Variants in CCDC167 observed in about 807,000 individuals in gnomAD.
CCDC167 encodes the protein coiled-coil domain-containing protein 167.
A neutral mutation model predicts 12.7 loss-of-function variants in CCDC167; 15 were observed. The observed-to-expected ratio is 1.18, with a 90% CI of 0.79 to 1.81. The LOEUF is 1.81. Among genes scored for constraint, CCDC167 ranks in the 40% most tolerant of loss-of-function variants. The probability of loss-of-function intolerance (pLI) is 0.00; values close to 1 mark genes in which losing one functional copy is unlikely to be tolerated. For synonymous variants in CCDC167, 52 were observed against 49.0 expected (o/e 1.06, Z -0.26); for missense variants, 121 against 120.1 (o/e 1.01, Z -0.03).
chr6:37,486,052 CCT>C (rs754572499), intron 1 of CCDC167, among the ~76,000 whole-genome samples: 9 of 152,134 alleles, frequency 5.9e-5, no homozygotes, highest in Non-Finnish European at 1.2e-4. Context: ...TAGCTGGCCA[CCT>C]CTCTGGCTGG....
intron 1 of CCDC167, among the ~76,000 whole-genome samples, chr6:37,498,335 A>T (rs973886677): frequency 3.3e-5 from 5 of 152,078 alleles, no homozygotes; most frequent in African/African-American, 1.2e-4. Flanking sequence ...ACTGCAGCTT[A>T]TTGTACCCTA....
chr6:37,485,846 T>C (rs1379477403), intron 1 of CCDC167, among the ~76,000 whole-genome samples: 1 of 152,246 alleles, frequency 6.6e-6, no homozygotes, highest in East Asian at 1.9e-4. Flanking sequence ...GCAAAAACTT[T>C]ACCTACCATC....
intron 3 of CCDC167, 111 bp from the exon 4 acceptor site, chr6:37,483,400 C>T: frequency 2.8e-6 from 2 of 701,920 alleles, no homozygotes; most frequent in Middle Eastern, 3.0e-4. Context: ...CGCACCCTTC[C>T]AGCCACCTCC....
At chr6:37,484,376 C>T (rs577501342) in intron 3 of CCDC167, among the ~76,000 whole-genome samples, 3 of 152,016 alleles carry the variant, frequency 2.0e-5, no homozygotes, top group South Asian at 2.1e-4. Context: ...CAGAAGGTGG[C>T]GGCATCGCTC....
intron 1 of CCDC167, among the ~76,000 whole-genome samples, chr6:37,496,729 G>A (rs1762102783): frequency 6.6e-6 from 1 of 152,248 alleles, no homozygotes; most frequent in Non-Finnish European, 1.5e-5. Flanking sequence ...ACTGTGAGGT[G>A]AGGTGCCATC....
At chr6:37,484,363 GC>G (rs1363508302) in intron 3 of CCDC167, among the ~76,000 whole-genome samples, 9 of 152,156 alleles carry the variant, frequency 5.9e-5, no homozygotes, top group Non-Finnish European at 1.2e-4. Flanking sequence ...TGCCCCCAGC[GC>G]CCAGAAGGTG....
intron 3 of CCDC167, 65 bp from the exon 4 acceptor site, chr6:37,483,354 C>T: frequency 9.1e-7 from 1 of 1,098,366 alleles, no homozygotes; most frequent in East Asian, 2.4e-5. Flanking sequence ...TGCTCTGCCT[C>T]TCCAACGAGT....
intron 3 of CCDC167, among the ~76,000 whole-genome samples, chr6:37,483,659 CT>C (rs2113903210): frequency 6.6e-6 from 1 of 152,324 alleles, no homozygotes; most frequent in East Asian, 1.9e-4. Context: ...GGTGCTCATC[CT>C]TCAAGGCATC....
chr6:37,487,417 G>A (rs1286736016), intron 1 of CCDC167, among the ~76,000 whole-genome samples: 2 of 152,206 alleles, frequency 1.3e-5, no homozygotes, highest in East Asian at 1.9e-4. Context: ...CGTAGCAACT[G>A]GAGCCTGAAA....
At chr6:37,489,257 A>C (rs4714069) in intron 1 of CCDC167, among the ~76,000 whole-genome samples, 18,161 of 144,988 alleles carry the variant, frequency 0.13, 1,151 homozygotes, top group South Asian at 0.16. Context: ...AACAAACAAA[A>C]AAAAACAGCA....
chr6:37,489,818 A>G (rs1761993812), intron 1 of CCDC167, among the ~76,000 whole-genome samples: 1 of 152,240 alleles, frequency 6.6e-6, no homozygotes, highest in African/African-American at 2.4e-5. Context: ...AGGAAGAGGC[A>G]TGCCTGGCTC....
chr6:37,499,781 G>A (rs896011667), intron 1 of CCDC167, 41 bp downstream of exon 1: 20 of 1,606,556 alleles, frequency 1.2e-5, no homozygotes, highest in Non-Finnish European at 1.7e-5. Flanking sequence ...GCCAGGAGAA[G>A]GCAACTAACG....
At chr6:37,498,597 G>T (rs756010904) in intron 1 of CCDC167, among the ~76,000 whole-genome samples, 19 of 151,984 alleles carry the variant, frequency 1.3e-4, no homozygotes, top group Non-Finnish European at 2.4e-4. Context: ...TAAGGCGGGC[G>T]GGCAGATCAC....
chr6:37,499,021 G>A lies in CCDC167; in HGVS notation c.42+801C>T, dbSNP rs539740646. Among the ~76,000 whole-genome samples the A allele has an allele frequency of 3.0e-4, 46 of 152,228 alleles. No homozygotes were observed. The South Asian group carries it at 3.7e-3, about 12-fold the overall frequency. The stretch of plus-strand genomic sequence containing the variant: ...GTACCTCTCCTGCAACCTCCGGGAG[G>A]ATGCCCTAAGGGAAGGAAAACAGGG... On this transcript the variant is annotated intron_variant, in intron 1 of 3. Coordinates refer to ENST00000373408, the MANE Select transcript of CCDC167 (RefSeq NM_138493.3).
Position 37,485,273 on chromosome 6 carries a change from G to A in CCDC167, c.43-79C>T, listed in dbSNP as rs548636069. ...ACTGGGACTGGGAAGCAGGGCCTCC[G>A]GGAGTCTTCTTGGACAGGTGTTCCC... is the stretch of plus-strand genomic sequence containing the variant. On this transcript the variant is annotated intron_variant, in intron 1 of 3. Coordinates refer to ENST00000373408, the MANE Select transcript of CCDC167 (RefSeq NM_138493.3). 2.0e-4 allele frequency: 219 copies of A among 1,118,508 alleles called. No individual in the cohort carries two copies. The African/African-American group carries it at 3.0e-3, about 15-fold the overall frequency. The allele number at this position is 1,118,508 out of a possible 1,614,324, so 69.3% of individuals were successfully genotyped here.
chr6:37,483,128 T>A lies in CCDC167; in HGVS notation c.*58A>T. 7.4e-7 allele frequency: 1 copy of A among 1,344,840 alleles called. No individual in the cohort carries two copies. The allele number at this position is 1,344,840 out of a possible 1,614,324, so 83.3% of individuals were successfully genotyped here. ...TCCTATTGAGGCTTGAAGTGCCTGCTTGATCCTGATCAAGGGGCCAAGTGG... is the reference window on the plus strand; with the variant it reads ...TCCTATTGAGGCTTGAAGTGCCTGCATGATCCTGATCAAGGGGCCAAGTGG... On this transcript the variant is annotated 3_prime_UTR_variant, in exon 4 of 4. Transcript: ENST00000373408.
intron 1 of CCDC167, among the ~76,000 whole-genome samples, chr6:37,498,596 C>T (rs983318448): frequency 3.3e-5 from 5 of 151,582 alleles, no homozygotes; most frequent in Non-Finnish European, 7.4e-5. Flanking sequence ...CTAAGGCGGG[C>T]GGGCAGATCA....
At chr6:37,489,060 ACT>A (rs1422992177) in intron 1 of CCDC167, among the ~76,000 whole-genome samples, 55 of 152,020 alleles carry the variant, frequency 3.6e-4, no homozygotes, top group Admixed American at 3.3e-3. Flanking sequence ...ACATGGTGAA[ACT>A]CTGTCTCTAC....
rs1762143584 is a variant in CCDC167, at chr6:37,499,860, T to A, written c.4A>T (p.Thr2Ser). Residue 2 changes from threonine (T) to serine (S), a missense_variant, in exon 1 of 4, where the codon ACT becomes TCT. By Grantham distance (58) the Thr-to-Ser change is moderately conservative (BLOSUM62 1). Coordinates refer to ENST00000373408, the MANE Select transcript of CCDC167 (RefSeq NM_138493.3). Reference protein sequence around the residue: MTKKKRENLGVA... With the variant: MSKKKRENLGVA... ...CCCAGATTCTCCCGCTTCTTTTTAG[T>A]CATGTTACTTGCCGGGATCCCCCAG... The A allele has an allele frequency of 1.9e-6, 3 of 1,614,188 alleles. No individual in the cohort carries two copies. Among genetic ancestry groups the A allele is most frequent in the Non-Finnish European group, 2.5e-6 (3 of 1,180,036 alleles).
Sources: allele counts gnomAD v4.1 joint callset (sites outside exome capture counted in the v4.1 genomes callset), GRCh38; gene constraint gnomAD v4.1.1; transcripts MANE v1.5; gene names NCBI Gene and HGNC (gene_info 2026-07-23, HGNC 2026-07-21).